Variants in BCL2L14 observed in about 807,000 individuals in gnomAD.
The protein encoded by BCL2L14 is BCL2 like 14, also known as apoptosis facilitator Bcl-2-like protein 14.
A neutral mutation model predicts 35.3 loss-of-function variants in BCL2L14; 27 were observed. The ratio of observed to expected loss-of-function variants is 0.76; its 90% CI spans 0.56 to 1.05. The LOEUF (loss-of-function observed/expected upper bound fraction) is 1.05, where lower values mean the gene tolerates loss of function less well. BCL2L14 is among the 50% of genes least tolerant of loss of function. The probability of loss-of-function intolerance (pLI) is 0.00; values close to 1 mark genes in which losing one functional copy is unlikely to be tolerated. For missense variants in BCL2L14, 377 were observed against 382.6 expected (o/e 0.99, Z 0.12); for synonymous variants, 139 against 145.9 (o/e 0.95, Z 0.34).
At chr12:12,069,397 A>C (rs1056567577), upstream of BCL2L14, among the ~76,000 whole-genome samples, 3 of 151,924 alleles carry the variant, frequency 2.0e-5, no homozygotes, top group African/African-American at 7.3e-5. Context: ...GTCTCCCCCC[A>C]AAAAAAGGTT....
At chr12:12,065,310 C>T (rs997936043) in intron 2 of BCL2L14, among the ~76,000 whole-genome samples, 11 of 151,992 alleles carry the variant, frequency 7.2e-5, no homozygotes, top group African/African-American at 2.2e-4. Flanking sequence ...CCGAGGCAGG[C>T]GGATCACTTG....
At chr12:12,073,910 A>G (rs1289155349) in intron 1 of BCL2L14, among the ~76,000 whole-genome samples, 2 of 151,674 alleles carry the variant, frequency 1.3e-5, no homozygotes, top group African/African-American at 4.8e-5. Context: ...TTCTGACCTC[A>G]CCCTGCTTGG....
intron 2 of BCL2L14, among the ~76,000 whole-genome samples, chr12:12,062,215 G>A (rs544575290): frequency 2.0e-5 from 3 of 150,786 alleles, no homozygotes; most frequent in African/African-American, 4.9e-5. Flanking sequence ...AATTACCATT[G>A]TTCCTGGCCC....
chr12:12,056,568 G>A (rs757530075), intron 2 of BCL2L14, among the ~76,000 whole-genome samples: 4 of 152,204 alleles, frequency 2.6e-5, no homozygotes, highest in South Asian at 2.1e-4. Flanking sequence ...GGTGGCTCAC[G>A]CTCACTCGTA....
At position 12,079,593 on chromosome 12, in the gene BCL2L14, C is replaced by G. The variant is rs769411365; in HGVS notation, c.288C>G (p.Phe96Leu). ...AGAAAAAGTCTTCTTGGAAAGCATT[C>G]TTTGGAGTAGTGGAGAAGGAAGATT... Reference protein sequence around the residue: ...LGKKKSSWKAFFGVVEKEDSQ... With the variant: ...LGKKKSSWKALFGVVEKEDSQ... Residue 96 changes from phenylalanine to leucine, a missense_variant, in exon 2 of 6, where the codon TTC (phenylalanine) becomes TTG (leucine). Physicochemically the swap from Phe to Leu is conservative, Grantham distance 22 (BLOSUM62 0). Coordinates refer to ENST00000308721, the MANE Select transcript of BCL2L14 (RefSeq NM_138723.2). The G allele has an allele frequency of 6.2e-7, 1 of 1,614,108 alleles. No homozygotes were observed. The highest frequency in any genetic ancestry group is 1.7e-5 in the Admixed American group (1 of 60,004).
intron 2 of BCL2L14, among the ~76,000 whole-genome samples, chr12:12,061,052 A>C: frequency 9.8e-6 from 1 of 101,904 alleles, no homozygotes; most frequent in Admixed American, 1.1e-4. Flanking sequence ...AGGCTTCTAA[A>C]CCTCTTAAAA....
At chr12:12,060,369 T>C (rs1046524532) in intron 2 of BCL2L14, among the ~76,000 whole-genome samples, 3 of 92,466 alleles carry the variant, frequency 3.2e-5, no homozygotes, top group Admixed American at 1.2e-4. Context: ...CTGAGACACT[T>C]TACAGCCCTA....
chr12:12,050,793 T>TAAAAAAAAAAAAAAAAAA (rs3052084), intron 1 of BCL2L14, among the ~76,000 whole-genome samples: 44 of 88,306 alleles, frequency 5.0e-4, no homozygotes, highest in African/African-American at 1.4e-3. Flanking sequence ...GCTGATGAGC[T>TAAAAAAAAAAAAAAAAAA]AAAAAAAAAA....
chr12:12,062,029 G>A (rs1430175279), intron 2 of BCL2L14, among the ~76,000 whole-genome samples: 2 of 151,996 alleles, frequency 1.3e-5, no homozygotes, highest in South Asian at 2.1e-4. Flanking sequence ...TCATGTCTCC[G>A]TGCAGTGGCT....
intron 2 of BCL2L14, among the ~76,000 whole-genome samples, chr12:12,061,796 T>A (rs1196253612): frequency 3.9e-5 from 6 of 152,142 alleles, no homozygotes; most frequent in Non-Finnish European, 8.8e-5. Context: ...CCCAAATTTC[T>A]TCCTCATCTG....
intron 1 of BCL2L14, among the ~76,000 whole-genome samples, chr12:12,050,803 A>AAAAAAAAG (rs1555084749): frequency 2.5e-5 from 3 of 122,276 alleles, no homozygotes; most frequent in African/African-American, 8.3e-5. Flanking sequence ...TAAAAAAAAA[A>AAAAAAAAG]AAAAAAAAAA....
At chr12:12,064,536 A>G (rs564878051) in intron 2 of BCL2L14, among the ~76,000 whole-genome samples, 219 of 152,280 alleles carry the variant, frequency 1.4e-3, no homozygotes, top group Non-Finnish European at 2.6e-3. Context: ...TAAAATAAGA[A>G]CTATTATTGT....
At chr12:12,095,488 C>T in intron 5 of BCL2L14, 8 of 985,396 alleles carry the variant, frequency 8.1e-6, no homozygotes, top group Non-Finnish European at 9.6e-6. Context: ...AGACCTCTTT[C>T]CCTTTTGCCT....
intron 2 of BCL2L14, among the ~76,000 whole-genome samples, chr12:12,087,004 A>G (rs1003373502): frequency 6.6e-6 from 1 of 152,166 alleles, no homozygotes; most frequent in African/African-American, 2.4e-5. Flanking sequence ...TCAAGGTGAC[A>G]ATCATTCCTG....
intron 2 of BCL2L14, among the ~76,000 whole-genome samples, chr12:12,061,308 G>A (rs1320679136): frequency 1.3e-5 from 2 of 151,008 alleles, no homozygotes; most frequent in African/African-American, 2.4e-5. Flanking sequence ...TCCCTCCTTG[G>A]CGACCAATCA....
chr12:12,083,004 A>G (rs12314662), intron 2 of BCL2L14, among the ~76,000 whole-genome samples: 15,791 of 152,074 alleles, frequency 0.1, 1,099 homozygotes, highest in African/African-American at 0.18. Flanking sequence ...TTGCTCTGTC[A>G]CCCAGGCTGG....
intron 2 of BCL2L14, among the ~76,000 whole-genome samples, chr12:12,056,810 T>G (rs914800603): frequency 6.6e-6 from 1 of 150,790 alleles, no homozygotes; most frequent in African/African-American, 2.4e-5. Context: ...CACTCCAGCC[T>G]GGACGACAAG....
chr12:12,079,508 C>A lies in BCL2L14; in HGVS notation c.203C>A (p.Thr68Lys). The change falls in exon 2 of 6, where the codon ACA (threonine) becomes AAA (lysine). Residue 68 changes from threonine to lysine, a missense_variant. Physicochemically the swap from Thr to Lys is moderately conservative, Grantham distance 78 (BLOSUM62 -1). Coordinates refer to ENST00000308721, the MANE Select transcript of BCL2L14 (RefSeq NM_138723.2). ...LGNCSANESWTEVSWPCRNSQ... is the reference protein window; with the variant it reads ...LGNCSANESWKEVSWPCRNSQ... Reference sequence around the variant, plus strand: ...AATTGTTCAGCAAATGAGTCATGGACAGAGGTGTCATGGCCTTGCAGAAAT... The same window carrying A: ...AATTGTTCAGCAAATGAGTCATGGAAAGAGGTGTCATGGCCTTGCAGAAAT... The A allele has an allele frequency of 1.9e-6, 3 of 1,614,184 alleles. No homozygotes were observed. The highest frequency in any genetic ancestry group is 1.7e-4 in the Middle Eastern group (1 of 6,060).
intron 5 of BCL2L14, among the ~76,000 whole-genome samples, chr12:12,098,127 A>G (rs925752430): frequency 2.6e-5 from 4 of 152,152 alleles, no homozygotes; most frequent in African/African-American, 9.7e-5. Context: ...GGACATGTGG[A>G]TTGGGGCGTG....
Sources: allele counts gnomAD v4.1 joint callset (sites outside exome capture counted in the v4.1 genomes callset), GRCh38; gene constraint gnomAD v4.1.1; transcripts MANE v1.5; gene names NCBI Gene and HGNC (gene_info 2026-07-23, HGNC 2026-07-21).